C2CD3: variants seen among roughly 807,000 people sequenced by gnomAD.
The protein encoded by C2CD3 is C2 domain containing 3 centriole elongation regulator, also known as C2 domain-containing protein 3.
C2CD3 carries 148 observed loss-of-function variants against 234.0 expected under a neutral mutation model. That is an observed-to-expected ratio of 0.63 (90% CI 0.55 to 0.72). C2CD3 has a LOEUF of 0.72. Ranked by LOEUF, C2CD3 falls within the 30% of genes least tolerant of loss-of-function variation. The probability of loss-of-function intolerance (pLI) is 0.00; values close to 1 mark genes in which losing one functional copy is unlikely to be tolerated. For synonymous variants in C2CD3, 1,000 were observed against 1,035.4 expected (o/e 0.97, Z 0.66); for missense variants, 2,577 against 2,811.5 (o/e 0.92, Z 1.89).
At chr11:74,068,519 C>A (rs73557996) in intron 24 of C2CD3, among the ~76,000 whole-genome samples, 2,677 of 152,200 alleles carry the variant, frequency 0.018, 78 homozygotes, top group African/African-American at 0.061. Flanking sequence ...CAGTACATAC[C>A]CACAGAAGAT....
In C2CD3 at chr11:74,061,386, G is replaced by A. The variant is rs1461047371; in HGVS notation, c.4952-3842C>T. Among the ~76,000 whole-genome samples the A allele has an allele frequency of 3.9e-5, 6 of 152,324 alleles. No individual in the cohort carries two copies. The East Asian group carries it at 9.6e-4, about 24-fold the overall frequency. On this transcript the variant is annotated intron_variant, in intron 24 of 32. Transcript: ENST00000334126. ...AAGGGCAGCCAGAGAGAAAGGTTGG[G>A]TTACCCACAAAGGGAAGCCCATCAG...
At chr11:74,047,921 G>A (rs1953465423) in intron 28 of C2CD3, among the ~76,000 whole-genome samples, 1 of 152,180 alleles carries the variant, frequency 6.6e-6, no homozygotes, top group Non-Finnish European at 1.5e-5. Flanking sequence ...TCACATAGTT[G>A]ATGACTGAAT....
At chr11:74,015,674 A>G (rs187171488) in intron 32 of C2CD3, among the ~76,000 whole-genome samples, 26 of 152,272 alleles carry the variant, frequency 1.7e-4, no homozygotes, top group Non-Finnish European at 3.2e-4. Context: ...TTGTTTCCCC[A>G]TTTTCTAGAA....
At chr11:74,056,739 A>C (rs1174811535) in intron 25 of C2CD3, among the ~76,000 whole-genome samples, 8 of 152,136 alleles carry the variant, frequency 5.3e-5, no homozygotes, top group Non-Finnish European at 8.8e-5. Context: ...TTTTGTTTGG[A>C]ATATCTTTCC....
At chr11:74,144,246 G>T (rs1289551296) in intron 3 of C2CD3, among the ~76,000 whole-genome samples, 1 of 151,884 alleles carries the variant, frequency 6.6e-6, no homozygotes, top group Non-Finnish European at 1.5e-5. Context: ...GGGGCCAGGG[G>T]AAAAAAAGGG....
intron 30 of C2CD3, among the ~76,000 whole-genome samples, chr11:74,035,755 T>C (rs556096718): frequency 1.3e-5 from 2 of 152,260 alleles, no homozygotes; most frequent in African/African-American, 4.8e-5. Context: ...TCTTTCTCTT[T>C]TTAAATTCAT....
chr11:74,116,045 C>A (rs956956409), intron 9 of C2CD3, among the ~76,000 whole-genome samples: 2 of 152,066 alleles, frequency 1.3e-5, no homozygotes, highest in African/African-American at 4.8e-5. Flanking sequence ...ATGGAACAAC[C>A]CTTCTAGACA....
At chr11:74,020,911 C>T (rs1350124417) in intron 32 of C2CD3, among the ~76,000 whole-genome samples, 2 of 152,072 alleles carry the variant, frequency 1.3e-5, no homozygotes, top group Non-Finnish European at 2.9e-5. Flanking sequence ...TAACAGGATG[C>T]TGTATGGGGA....
intron 2 of C2CD3, among the ~76,000 whole-genome samples, chr11:74,166,697 G>C (rs976656728): frequency 1.3e-5 from 2 of 152,146 alleles, no homozygotes; most frequent in African/African-American, 4.8e-5. Flanking sequence ...TTTCATGTAT[G>C]TCAGTTTTGT....
intron 11 of C2CD3, among the ~76,000 whole-genome samples, chr11:74,111,899 G>T (rs2135507383): frequency 7.1e-6 from 1 of 141,598 alleles, no homozygotes; most frequent in South Asian, 2.3e-4. Context: ...GGACACCCCT[G>T]GAGTAAACAT....
chr11:74,158,979 G>A (rs771889304), intron 3 of C2CD3, among the ~76,000 whole-genome samples: 2 of 152,142 alleles, frequency 1.3e-5, no homozygotes, highest in Non-Finnish European at 2.9e-5. Context: ...ACTACCATAT[G>A]ATCCAGGAAT....
intron 8 of C2CD3, among the ~76,000 whole-genome samples, chr11:74,119,582 G>A (rs1290364661): frequency 6.6e-6 from 1 of 151,508 alleles, no homozygotes. Flanking sequence ...GTGATAGGGG[G>A]ACAAATTAAT....
At chr11:74,117,389 T>TATATATATATATATATATAG (rs1312118928) in intron 9 of C2CD3, among the ~76,000 whole-genome samples, 2 of 127,626 alleles carry the variant, frequency 1.6e-5, no homozygotes, top group African/African-American at 6.3e-5. Context: ...TATATATATA[T>TATATATATATATATATATAG]ATGGAATACT....
rs1434004164 is a variant in C2CD3, at chr11:74,054,644, T to G, written c.5118A>C (p.Pro1706=). ...SRLSKELLLD[P]QQTLVFKVWH... The stretch of plus-strand genomic sequence containing the variant: ...AAACTTTGAAGACCAGGGTTTGTTG[T>G]GGGTCCAGAAGCAGCTCTTTTGATA... Residue 1706 remains proline, a synonymous_variant, in exon 26 of 33, where the codon CCA becomes CCC. Transcript: ENST00000334126. The G allele has an allele frequency of 1.2e-6, 2 of 1,612,786 alleles. No homozygotes were observed. Among genetic ancestry groups the G allele is most frequent in the African/African-American group, 2.7e-5 (2 of 74,986 alleles).
At chr11:74,133,679 G>T in intron 5 of C2CD3, 122 bp from the exon 6 acceptor site, 3 of 953,052 alleles carry the variant, frequency 3.1e-6, no homozygotes, top group South Asian at 1.6e-5. Flanking sequence ...TTGCTCATCT[G>T]CCTTCCCCAT....
intron 11 of C2CD3, among the ~76,000 whole-genome samples, chr11:74,111,366 C>G (rs188244111): frequency 6.6e-6 from 1 of 152,182 alleles, no homozygotes; most frequent in East Asian, 1.9e-4. Flanking sequence ...TGGAAAATAC[C>G]ATACCCTACC....
At chr11:74,170,217 GCTCTATA>G in intron 1 of C2CD3, among the ~76,000 whole-genome samples, 1 of 152,060 alleles carries the variant, frequency 6.6e-6, no homozygotes. Flanking sequence ...ACTCTTCCCG[GCTCTATA>G]CTCTACAATT....
At chr11:74,128,009 C>T (rs1957474474) in intron 7 of C2CD3, among the ~76,000 whole-genome samples, 1 of 152,038 alleles carries the variant, frequency 6.6e-6, no homozygotes, top group South Asian at 2.1e-4. Context: ...ACTACAGGCG[C>T]CTGCTACCAC....
At chr11:74,021,726 A>G (rs1952092592) in intron 32 of C2CD3, among the ~76,000 whole-genome samples, 1 of 152,202 alleles carries the variant, frequency 6.6e-6, no homozygotes, top group Non-Finnish European at 1.5e-5. Context: ...TCCCCCTGCC[A>G]GTGGTAAAGT....
Sources: gnomAD v4.1 joint callset for allele counts (sites outside exome capture counted in the v4.1 genomes callset) on GRCh38, gnomAD v4.1.1 for gene constraint, MANE v1.5 for transcripts, NCBI Gene and HGNC (gene_info 2026-07-23, HGNC 2026-07-21) for gene names.